Variants in ACAD11 observed in about 807,000 individuals in gnomAD.
ACAD11 encodes the protein acyl-Coenzyme A dehydrogenase family, member 11.
In ACAD11, 83 loss-of-function variants were observed where a neutral mutation model predicts 102.2. That is an observed-to-expected ratio of 0.81 (90% CI 0.68 to 0.97). The LOEUF is 0.97. ACAD11 is among the 50% of genes least tolerant of loss of function. The pLI, the probability that ACAD11 is intolerant of heterozygous loss-of-function variation, is 0.00. For synonymous variants in ACAD11, 324 were observed against 319.8 expected (o/e 1.01, Z -0.14); for missense variants, 901 against 951.7 (o/e 0.95, Z 0.70).
rs138036095 is a variant in ACAD11 at position 132,658,114 on chromosome 3, C to T, written c.149+1489G>A. Among the ~76,000 whole-genome samples, 108 of 152,210 alleles carry T rather than the reference C, an allele frequency of 7.1e-4. 1 individual carries two copies. Among genetic ancestry groups the T allele is most frequent in the African/African-American group, 2.0e-3 (83 of 41,534 alleles). ...CTGACCTCAAGTGATCCACGTGCCT[C>T]GGCCTCCCAAAGTGCTGGGATTACA... On this transcript the variant is annotated intron_variant, in intron 1 of 19. Coordinates refer to ENST00000264990, the MANE Select transcript of ACAD11 (RefSeq NM_032169.5).
At chr3:132,623,906 A>G (rs1457433560) in intron 9 of ACAD11, among the ~76,000 whole-genome samples, 1 of 152,158 alleles carries the variant, frequency 6.6e-6, no homozygotes, top group Non-Finnish European at 1.5e-5. Context: ...ATGCTATCAG[A>G]TAGGCTTCAT....
intron 5 of ACAD11, among the ~76,000 whole-genome samples, chr3:132,632,742 CT>C (rs1286511068): frequency 6.6e-6 from 1 of 152,190 alleles, no homozygotes; most frequent in Non-Finnish European, 1.5e-5. Flanking sequence ...TTTGTGTCCT[CT>C]TTTATTTCAT....
In ACAD11 at chr3:132,629,630, A is replaced by G. The variant is rs181551780; in HGVS notation, c.963+807T>C. ...TTTAACATGATTAACTCAGGGTACA[A>G]GATGAGATGTAACACAACTATTTCA... On this transcript the variant is annotated intron_variant, in intron 7 of 19. Transcript: ENST00000264990. 3.9e-5 allele frequency among the ~76,000 whole-genome samples: 6 copies of G among 152,358 alleles called. No individual in the cohort carries two copies. In the East Asian group the frequency reaches 9.6e-4, roughly 24 times the overall value.
intron 13 of ACAD11, among the ~76,000 whole-genome samples, chr3:132,599,681 G>A (rs1361642703): frequency 6.6e-6 from 1 of 152,100 alleles, no homozygotes; most frequent in Non-Finnish European, 1.5e-5. Context: ...GGGAAGCAGG[G>A]ATGAAGGTAA....
rs896452165 is a variant in ACAD11, at chr3:132,575,867, A to G, written c.1906T>C (p.Cys636Arg). ...TCCGCCAAACCTACTGTTCTCATAC[A>G]GTGGTGGATTCTGCCAGGTCCAAGG... is the stretch of plus-strand genomic sequence containing the variant. ...GRLGPGRIHH[C>R]MRTVGLAERA... The change falls in exon 17 of 20, where the codon TGT (cysteine) becomes CGT (arginine). Residue 636 changes from cysteine to arginine, a missense_variant. Transcript: ENST00000264990. 74 of 1,613,956 alleles carry G rather than the reference A, an allele frequency of 4.6e-5. No homozygotes were observed. Among genetic ancestry groups the G allele is most frequent in the Non-Finnish European group, 6.0e-5 (71 of 1,179,966 alleles).
At chr3:132,627,323 C>A (rs1939864819) in intron 8 of ACAD11, among the ~76,000 whole-genome samples, 1 of 152,144 alleles carries the variant, frequency 6.6e-6, no homozygotes, top group Non-Finnish European at 1.5e-5. Flanking sequence ...CCCTCCTCAT[C>A]CTTTAATGTG....
rs1939830568 is a variant in ACAD11 at position 132,626,775 on chromosome 3, C to G, written c.1113G>C (p.Gln371His). ...GACCTTTCCGAGTCTGTACAAACAA[C>G]TGTCCAGTAGTATCAATCTGTGGTA... Reference protein sequence around the residue: ...TVLPQIDTTGQLFVQTRKGQE... With the variant: ...TVLPQIDTTGHLFVQTRKGQE... The change falls in exon 9 of 20, where the codon CAG becomes CAC. Residue 371 changes from glutamine to histidine, a missense_variant. Physicochemically the swap from Gln to His is conservative, Grantham distance 24 (BLOSUM62 0). Coordinates refer to ENST00000264990, the MANE Select transcript of ACAD11 (RefSeq NM_032169.5). The G allele has an allele frequency of 6.2e-7, 1 of 1,613,776 alleles. No homozygotes were observed. Among genetic ancestry groups the G allele is most frequent in the African/African-American group, 1.3e-5 (1 of 75,010 alleles).
chr3:132,620,695 G>C (rs562927312), intron 9 of ACAD11, among the ~76,000 whole-genome samples: 1 of 152,254 alleles, frequency 6.6e-6, no homozygotes, highest in South Asian at 2.1e-4. Context: ...ATTTGAAAAA[G>C]AATTGAATAA....
In ACAD11 at chr3:132,659,444, G is replaced by C. The variant is rs576310098; in HGVS notation, c.149+159C>G. The C allele has an allele frequency of 1.1e-5, 11 of 1,004,676 alleles. No homozygotes were observed. In the East Asian group the frequency reaches 2.6e-4, roughly 24 times the overall value. The allele number at this position is 1,004,676 out of a possible 1,614,324, so 62.2% of individuals were successfully genotyped here. The stretch of plus-strand genomic sequence containing the variant: ...TTGGGAAGCCCCCAGCATCGAATTC[G>C]GAGGGCCGGCAATAGCAGCTCATGC... On this transcript the variant is annotated intron_variant, in intron 1 of 19. Coordinates refer to ENST00000264990, the MANE Select transcript of ACAD11 (RefSeq NM_032169.5).
chr3:132,610,077 AC>A (rs895266473), intron 11 of ACAD11, among the ~76,000 whole-genome samples: 15 of 152,032 alleles, frequency 9.9e-5, no homozygotes, highest in African/African-American at 3.4e-4. Context: ...AAAATTAAAC[AC>A]CCCTTCATGC....
At chr3:132,603,140 T>G in intron 13 of ACAD11, 89 bp downstream of exon 13, 2 of 1,114,842 alleles carry the variant, frequency 1.8e-6, no homozygotes, top group Middle Eastern at 2.0e-4. Context: ...ATCATGAAAC[T>G]GATCACTATG....
chr3:132,617,755 C>T (rs920221297), intron 11 of ACAD11, among the ~76,000 whole-genome samples: 2 of 152,170 alleles, frequency 1.3e-5, no homozygotes, highest in African/African-American at 2.4e-5. Flanking sequence ...CTCTTATTTG[C>T]CCTATGAAGC....
At chr3:132,629,490 C>G (rs1939951867) in intron 7 of ACAD11, among the ~76,000 whole-genome samples, 1 of 152,130 alleles carries the variant, frequency 6.6e-6, no homozygotes, top group South Asian at 2.1e-4. Context: ...CAATCATAAT[C>G]CATGTCAAAC....
intron 1 of ACAD11, 74 bp downstream of exon 1, chr3:132,659,528 AC>A: frequency 1.3e-6 from 2 of 1,591,988 alleles, no homozygotes. Flanking sequence ...AACTTAGGAA[AC>A]CACCCAGGGC....
chr3:132,655,502 C>T (rs1039964034), intron 1 of ACAD11, among the ~76,000 whole-genome samples: 3 of 152,222 alleles, frequency 2.0e-5, no homozygotes, highest in African/African-American at 7.2e-5. Context: ...GCACACATCC[C>T]TTCCAGGGCC....
intron 3 of ACAD11, 116 bp from the exon 4 acceptor site, chr3:132,642,249 G>A: frequency 1.7e-5 from 17 of 979,302 alleles, no homozygotes; most frequent in South Asian, 1.1e-4. Context: ...CATGCCAAAG[G>A]GAAAATAAAA....
At chr3:132,658,725 A>AT (rs1937952694) in intron 1 of ACAD11, among the ~76,000 whole-genome samples, 1 of 151,904 alleles carries the variant, frequency 6.6e-6, no homozygotes, top group Admixed American at 6.6e-5. Flanking sequence ...ATTTATTATT[A>AT]TTTTCATTTT....
At chr3:132,642,851 T>C in intron 2 of ACAD11, 49 bp from the exon 3 acceptor site, 1 of 1,533,474 alleles carries the variant, frequency 6.5e-7, no homozygotes, top group Non-Finnish European at 8.9e-7. Context: ...GATTTAATTG[T>C]AATTAAATTT....
chr3:132,641,652 A>AGGAAGAAGAGGG (rs1940518289), intron 4 of ACAD11, among the ~76,000 whole-genome samples: 1 of 146,936 alleles, frequency 6.8e-6, no homozygotes, highest in Admixed American at 6.9e-5. Flanking sequence ...GAAGAAGAGG[A>AGGAAGAAGAGGG]GGAAGAAGAG....
Sources: allele counts gnomAD v4.1 joint callset (sites outside exome capture counted in the v4.1 genomes callset), GRCh38; gene constraint gnomAD v4.1.1; transcripts MANE v1.5; gene names NCBI Gene and HGNC (gene_info 2026-07-23, HGNC 2026-07-21).